Variants in SCAPER observed in about 807,000 individuals in gnomAD.
SCAPER encodes S-phase cyclin A associated protein in the ER.
SCAPER carries 98 observed loss-of-function variants against 182.2 expected under a neutral mutation model. The ratio of observed to expected loss-of-function variants is 0.54; its 90% CI spans 0.46 to 0.64. The LOEUF (loss-of-function observed/expected upper bound fraction) is 0.64. SCAPER is among the 30% of genes least tolerant of loss of function. The pLI is 0.00. For synonymous variants in SCAPER, 605 were observed against 564.6 expected, an observed-to-expected ratio of 1.07 and a Z score of -1.01; for missense variants, 1,432 against 1,690.0, an observed-to-expected ratio of 0.85 and a Z score of 2.68.
chr15:76,470,740 G>A (rs1269161852), intron 25 of SCAPER, among the ~76,000 whole-genome samples: 3 of 152,128 alleles, frequency 2.0e-5, no homozygotes, highest in Non-Finnish European at 4.4e-5. Context: ...AATATAACAA[G>A]TTTTCTCCTT....
At chr15:76,421,767 A>T (rs1375262737) in intron 26 of SCAPER, among the ~76,000 whole-genome samples, 1 of 152,200 alleles carries the variant, frequency 6.6e-6, no homozygotes, top group East Asian at 1.9e-4. Flanking sequence ...CTAACATGTA[A>T]GTCTTTAATC....
intron 21 of SCAPER, among the ~76,000 whole-genome samples, chr15:76,636,924 T>A (rs1268150648): frequency 6.6e-6 from 1 of 152,134 alleles, no homozygotes; most frequent in Non-Finnish European, 1.5e-5. Flanking sequence ...TTTTTTTCCA[T>A]GAGAAATCTT....
At chr15:76,715,227 G>C (rs1282124596) in intron 17 of SCAPER, among the ~76,000 whole-genome samples, 1 of 151,058 alleles carries the variant, frequency 6.6e-6, no homozygotes, top group East Asian at 1.9e-4. Flanking sequence ...ACTTCCAGGA[G>C]CTCTGAGCCT....
chr15:76,604,681 C>T (rs1013871153), intron 22 of SCAPER, among the ~76,000 whole-genome samples: 2 of 152,062 alleles, frequency 1.3e-5, no homozygotes, highest in African/African-American at 4.8e-5. Context: ...TTCCATTTGT[C>T]TGTATCCTCC....
chr15:76,395,419 T>C (rs552758261), intron 27 of SCAPER, among the ~76,000 whole-genome samples: 1 of 152,352 alleles, frequency 6.6e-6, no homozygotes, highest in Non-Finnish European at 1.5e-5. Context: ...TGTAGGAATT[T>C]CCAAACTGTT....
At chr15:76,642,520 C>A (rs941799414) in intron 21 of SCAPER, among the ~76,000 whole-genome samples, 71 of 152,200 alleles carry the variant, frequency 4.7e-4, no homozygotes, top group Middle Eastern at 3.4e-3. Context: ...CTCATAATTT[C>A]ATCTACAGTA....
intron 2 of SCAPER, among the ~76,000 whole-genome samples, chr15:76,869,288 G>C (rs1458212315): frequency 1.3e-5 from 2 of 151,914 alleles, no homozygotes; most frequent in East Asian, 1.9e-4. Context: ...TAACTAAAAG[G>C]CTTCTGCATA....
chr15:76,778,128 C>T (rs2063855715), intron 8 of SCAPER, among the ~76,000 whole-genome samples: 1 of 152,122 alleles, frequency 6.6e-6, no homozygotes, highest in South Asian at 2.1e-4. Flanking sequence ...GTTGAAAAGT[C>T]ATAAGTTGGG....
chr15:76,459,710 CCT>C (rs1240255367), intron 25 of SCAPER, among the ~76,000 whole-genome samples: 5 of 151,886 alleles, frequency 3.3e-5, no homozygotes, highest in African/African-American at 1.2e-4. Flanking sequence ...ATTTTTGTTG[CCT>C]GTACTTTTGA....
intron 26 of SCAPER, among the ~76,000 whole-genome samples, chr15:76,431,369 G>A (rs2046846323): frequency 6.6e-6 from 1 of 152,042 alleles, no homozygotes; most frequent in Non-Finnish European, 1.5e-5. Flanking sequence ...TCCAAGAATG[G>A]CTTAGATGCA....
At chr15:76,768,111 A>G (rs2063217750) in intron 10 of SCAPER, among the ~76,000 whole-genome samples, 1 of 152,178 alleles carries the variant, frequency 6.6e-6, no homozygotes, top group Non-Finnish European at 1.5e-5. Flanking sequence ...TGAGAATGTA[A>G]AATGATGCAA....
chr15:76,709,157 G>A (rs2059427423), intron 17 of SCAPER, among the ~76,000 whole-genome samples: 1 of 152,096 alleles, frequency 6.6e-6, no homozygotes, highest in Admixed American at 6.6e-5. Flanking sequence ...TTATGAGATG[G>A]AGTCTTGCTC....
chr15:76,428,141 T>G (rs181345519), intron 26 of SCAPER, among the ~76,000 whole-genome samples: 17 of 152,052 alleles, frequency 1.1e-4, no homozygotes, highest in African/African-American at 3.6e-4. Flanking sequence ...TTGGTGAGGA[T>G]GTAGAGAAAA....
In SCAPER at chr15:76,726,155, A is replaced by ATATATATATATAT. The variant is rs1491513286; in HGVS notation, c.2165+2439_2165+2440insATATATATATATA. On this transcript the variant is annotated intron_variant, in intron 17 of 31. Transcript: ENST00000563290. Reference sequence around the variant, plus strand: ...TATATATATATATATATATATATATAAAAAACTCTATAACCCAACAAGAAA... The same window carrying ATATATATATATAT: ...TATATATATATATATATATATATATATATATATATATATAAAAACTCTATAACCCAACAAGAAA... Among the ~76,000 whole-genome samples, 41 of 97,294 alleles carry ATATATATATATAT rather than the reference A, an allele frequency of 4.2e-4. 2 individuals are homozygous for ATATATATATATAT. The highest frequency in any genetic ancestry group is 7.8e-4 in the African/African-American group (19 of 24,240). The allele number at this position is 97,294 out of a possible 152,430, so 63.8% of individuals were successfully genotyped here.
intron 1 of SCAPER, chr15:76,905,084 G>A (rs1208147883): frequency 6.5e-6 from 1 of 152,826 alleles, no homozygotes; most frequent in Non-Finnish European, 1.5e-5. Context: ...GGCCTCCGAG[G>A]CCGACCTCCG....
chr15:76,566,081 A>G (rs1316428807), intron 23 of SCAPER, among the ~76,000 whole-genome samples: 1 of 152,108 alleles, frequency 6.6e-6, no homozygotes, highest in Non-Finnish European at 1.5e-5. Context: ...GCAGGATCTG[A>G]ACACAGTTTT....
At chr15:76,437,101 GT>G (rs2142582356) in intron 25 of SCAPER, among the ~76,000 whole-genome samples, 1 of 152,232 alleles carries the variant, frequency 6.6e-6, no homozygotes, top group South Asian at 2.1e-4. Flanking sequence ...ATTGAAACTG[GT>G]GTCTTCTCTG....
intron 25 of SCAPER, among the ~76,000 whole-genome samples, chr15:76,456,227 T>C (rs1422894341): frequency 6.6e-6 from 1 of 152,202 alleles, no homozygotes; most frequent in Non-Finnish European, 1.5e-5. Context: ...TGGTTCTAGA[T>C]CCTTGGGGAA....
intron 9 of SCAPER, among the ~76,000 whole-genome samples, chr15:76,773,946 CT>C (rs1412498011): frequency 6.6e-6 from 1 of 151,604 alleles, no homozygotes; most frequent in African/African-American, 2.4e-5. Flanking sequence ...AAACAAATAC[CT>C]TAAAGTATAA....
Sources: allele counts gnomAD v4.1 joint callset (sites outside exome capture counted in the v4.1 genomes callset), GRCh38; gene constraint gnomAD v4.1.1; transcripts MANE v1.5; gene names NCBI Gene and HGNC (gene_info 2026-07-23, HGNC 2026-07-21).